The following PTPRA variants were observed in gnomAD, a reference collection of about 807,000 sequenced individuals.
PTPRA encodes receptor-type tyrosine-protein phosphatase alpha.
Under a neutral mutation model 104.8 loss-of-function variants are expected in PTPRA, and 25 were observed. The observed-to-expected ratio is 0.24, with a 90% confidence interval of 0.17 to 0.33. The LOEUF (loss-of-function observed/expected upper bound fraction) is 0.33, where lower values mean the gene tolerates loss of function less well. Ranked by LOEUF, PTPRA falls within the 10% of genes least tolerant of loss-of-function variation. The pLI, the probability that PTPRA is intolerant of heterozygous loss-of-function variation, is 1.00. For missense variants in PTPRA, 765 were observed against 1,015.3 expected (o/e 0.75, Z 3.35); for synonymous variants, 323 against 368.9 (o/e 0.88, Z 1.43).
chr20:2,935,377 T>A (rs2060653791), intron 2 of PTPRA, among the ~76,000 whole-genome samples: 2 of 152,234 alleles, frequency 1.3e-5, no homozygotes, highest in African/African-American at 2.4e-5. Context: ...CCACATTTTC[T>A]TTCACCATTC....
At chr20:2,934,565 T>C (rs910997522) in intron 2 of PTPRA, among the ~76,000 whole-genome samples, 1 of 152,132 alleles carries the variant, frequency 6.6e-6, no homozygotes, top group African/African-American at 2.4e-5. Context: ...TTTGTATATG[T>C]GAACTTTTTT....
chr20:3,033,994 T>C (rs1392236881), intron 20 of PTPRA, among the ~76,000 whole-genome samples: 2 of 150,944 alleles, frequency 1.3e-5, no homozygotes, highest in African/African-American at 4.9e-5. Flanking sequence ...TTTGATCAGA[T>C]GTGGTGGCTC....
chr20:2,887,387 T>TATAG (rs1390473475), intron 1 of PTPRA, among the ~76,000 whole-genome samples: 1 of 152,108 alleles, frequency 6.6e-6, no homozygotes, highest in Non-Finnish European at 1.5e-5. Flanking sequence ...CTGGGCAGGG[T>TATAG]ATAGAGACTT....
chr20:2,879,641 C>T (rs1295406662), intron 1 of PTPRA, among the ~76,000 whole-genome samples: 1 of 152,118 alleles, frequency 6.6e-6, no homozygotes, highest in Non-Finnish European at 1.5e-5. Flanking sequence ...CACAGTATAA[C>T]GATGTTTCCA....
Position 2,948,034 on chromosome 20 carries a change from G to A in PTPRA, c.-7+10G>A, listed in dbSNP as rs1462379083. On this transcript the variant is annotated intron_variant, in intron 3 of 23. Coordinates refer to ENST00000399903, the MANE Select transcript of PTPRA (RefSeq NM_001385305.1). The stretch of plus-strand genomic sequence containing the variant: ...TTTTTAAAAGAAGCTAGTAAGTACT[G>A]AAATAGTTTTTTAAGTTTTTTCTAC... 2 of 1,073,022 alleles carry A rather than the reference G, an allele frequency of 1.9e-6. No homozygotes were observed. The highest frequency in any genetic ancestry group is 1.7e-5 in the African/African-American group (1 of 60,546). The allele number at this position is 1,073,022 out of a possible 1,614,324, so 66.5% of individuals were successfully genotyped here. A position where few individuals can be genotyped will look rare whatever the true frequency, so the allele number is the denominator to read the frequency against.
Position 3,005,061 on chromosome 20 carries a change from C to A in PTPRA, c.744C>A (p.Leu248=). The A allele has an allele frequency of 6.2e-7, 1 of 1,603,420 alleles. No individual in the cohort carries two copies. Among genetic ancestry groups the A allele is most frequent in the Non-Finnish European group, 8.5e-7 (1 of 1,170,520 alleles). ...AATTTCTCTTAACCTTTCAGGCTCT[C>A]CCTGCATGTCCTATCCAGGCCACCT... The part of the protein sequence containing the change: ...NKLFREEFNA[L]PACPIQATCE... Residue 248 remains leucine, a synonymous_variant, in exon 10 of 24, where the codon CTC becomes CTA. Coordinates refer to ENST00000399903, the MANE Select transcript of PTPRA (RefSeq NM_001385305.1).
At position 2,965,170 on chromosome 20, in the gene PTPRA, C is replaced by G; in HGVS notation, c.383C>G (p.Ala128Gly). 6.2e-7 allele frequency: 1 copy of G among 1,613,952 alleles called. No homozygotes were observed. Among genetic ancestry groups the G allele is most frequent in the Non-Finnish European group, 8.5e-7 (1 of 1,179,850 alleles). ...TEPWEGNSST[A>G]ATTPETFPPS... ...CCCTGGGAGGGGAATTCCAGCACCG[C>G]AGCAACCACTCCAGAAACTTTCCCT... Residue 128 changes from alanine (A) to glycine (G), a missense_variant, in exon 5 of 24, where the codon GCA (alanine) becomes GGA (glycine). Transcript: ENST00000399903.
upstream of PTPRA, among the ~76,000 whole-genome samples, chr20:2,873,145 T>TGTGCCTGG (rs1263677033): frequency 6.6e-6 from 1 of 152,010 alleles, no homozygotes; most frequent in African/African-American, 2.4e-5. The surrounding 1 kb of genome is among the most constrained non-coding windows in gnomAD (Gnocchi z 4.4). Context: ...TGGCTAGACA[T>TGTGCCTGG]TGGTGTAGTT....
In PTPRA at chr20:2,938,360, A is replaced by G. The variant is rs748952443; in HGVS notation, c.-49-9622A>G. Among the ~76,000 whole-genome samples the G allele has an allele frequency of 1.5e-3, 232 of 151,956 alleles. 2 individuals carry two copies. Among genetic ancestry groups the G allele is most frequent in the Non-Finnish European group, 2.4e-3 (162 of 67,932 alleles). On this transcript the variant is annotated intron_variant, in intron 2 of 23. Transcript: ENST00000399903. The stretch of plus-strand genomic sequence containing the variant: ...CCACCACACCCAACTCATTTTTTGT[A>G]TTTTTAGTACAGATGGGGTTTCACC...
chr20:3,012,390 T>G (rs1300770186), intron 11 of PTPRA, among the ~76,000 whole-genome samples: 1 of 152,062 alleles, frequency 6.6e-6, no homozygotes, highest in Admixed American at 6.6e-5. Flanking sequence ...CAGGAATTGG[T>G]GGTTGATTTA....
rs1396031578 is a variant in PTPRA at position 2,905,430 on chromosome 20, A to C, written c.-128-17777A>C. On this transcript the variant is annotated intron_variant, in intron 1 of 23. Coordinates refer to ENST00000399903, the MANE Select transcript of PTPRA (RefSeq NM_001385305.1). ...CTTGCCTTCGTCTCTCACTAGTTGAATTTTACACTTCCAGGGGTCAGTATG... is the reference window on the plus strand; with the variant it reads ...CTTGCCTTCGTCTCTCACTAGTTGACTTTTACACTTCCAGGGGTCAGTATG... Among the ~76,000 whole-genome samples, 4 of 152,124 alleles carry C rather than the reference A, an allele frequency of 2.6e-5. No individual in the cohort carries two copies. In the East Asian group the frequency reaches 7.7e-4, roughly 29 times the overall value.
chr20:2,910,479 A>ATTT (rs2059663130), intron 1 of PTPRA, among the ~76,000 whole-genome samples: 2 of 66,170 alleles, frequency 3.0e-5, no homozygotes, highest in Admixed American at 4.7e-4. Context: ...TTTTATATAT[A>ATTT]CTTTTTTTTT....
chr20:2,964,966 C>T lies in PTPRA; in HGVS notation c.179C>T (p.Ser60Phe). Reference protein sequence around the residue: ...SNPTSSLTSLSVAPTFSPNIT... With the variant: ...SNPTSSLTSLFVAPTFSPNIT... ...CCAACTTCTTCACTAACTTCTCTTT[C>T]TGTGGCACCAACATTCAGCCCAAAT... The change falls in exon 5 of 24, where the codon TCT (serine) becomes TTT (phenylalanine). Residue 60 changes from serine to phenylalanine, a missense_variant. By Grantham distance (155) the Ser-to-Phe change is radical (BLOSUM62 -2). This residue lies in a region of PTPRA where 256 missense variants were observed against 248.9 expected (regional missense o/e 1.03). Transcript: ENST00000399903. The T allele has an allele frequency of 6.2e-7, 1 of 1,613,884 alleles. No homozygotes were observed. The highest frequency in any genetic ancestry group is 1.3e-5 in the African/African-American group (1 of 75,062).
intron 2 of PTPRA, among the ~76,000 whole-genome samples, chr20:2,930,760 C>A (rs1440987171): frequency 6.6e-6 from 1 of 152,134 alleles, no homozygotes; most frequent in Non-Finnish European, 1.5e-5. Context: ...ATGACCTCAT[C>A]TTTATTTAAC....
Position 2,924,058 on chromosome 20 carries a change from T to C in PTPRA, c.-50+773T>C, listed in dbSNP as rs140388658. ...GCACATACAAATGTTCACTGCAGCT[T>C]TATGTATTATAGCCAGAAAAACTGT... On this transcript the variant is annotated intron_variant, in intron 2 of 23. Coordinates refer to ENST00000399903, the MANE Select transcript of PTPRA (RefSeq NM_001385305.1). Among the ~76,000 whole-genome samples, 4 of 152,190 alleles carry C rather than the reference T, an allele frequency of 2.6e-5. No homozygotes were observed. The East Asian group carries it at 7.7e-4, about 29-fold the overall frequency.
At chr20:2,953,618 T>G (rs540992387) in intron 3 of PTPRA, among the ~76,000 whole-genome samples, 13 of 151,962 alleles carry the variant, frequency 8.6e-5, no homozygotes, top group African/African-American at 1.4e-4. Flanking sequence ...GTTTTGTTTT[T>G]TTTTTTTGAG....
the PTPRA span, chr20:2,866,342 C>T: frequency 2.5e-6 from 4 of 1,613,982 alleles, no homozygotes; most frequent in African/African-American, 1.3e-5. Flanking sequence ...CCTGTGGGTG[C>T]TGGGTGGCTG....
At chr20:2,924,900 C>T (rs1048986646) in intron 2 of PTPRA, among the ~76,000 whole-genome samples, 3 of 152,024 alleles carry the variant, frequency 2.0e-5, no homozygotes, top group East Asian at 1.9e-4. Flanking sequence ...AGGATGGTCT[C>T]GATTGCCCAA....
At chr20:2,965,312 C>T in intron 5 of PTPRA, 110 bp downstream of exon 5, 1 of 1,112,750 alleles carries the variant, frequency 9.0e-7, no homozygotes. Flanking sequence ...TAAAATTGCT[C>T]AAGTGAAGTA....
Sources: gnomAD v4.1 joint callset for allele counts (sites outside exome capture counted in the v4.1 genomes callset) on GRCh38, gnomAD v4.1.1 for gene constraint, gnomAD v4.1.1 regional missense constraint, Gnocchi (gnomAD v3.1) non-coding constraint, MANE v1.5 for transcripts, NCBI Gene and HGNC (gene_info 2026-07-23, HGNC 2026-07-21) for gene names.